The following CGREF1 variants were observed in gnomAD, a reference collection of about 807,000 sequenced individuals.
CGREF1 encodes cell growth regulator with EF-hand domain 1.
In CGREF1, 16 loss-of-function variants were observed where a neutral mutation model predicts 17.4. The ratio of observed to expected loss-of-function variants is 0.92; its 90% CI spans 0.62 to 1.40. The LOEUF (loss-of-function observed/expected upper bound fraction) is 1.40. CGREF1 is among the 40% of genes most tolerant of loss of function. CGREF1 has a pLI of 0.00. For synonymous variants in CGREF1, 142 were observed against 154.6 expected (o/e 0.92, Z 0.61); for missense variants, 296 against 376.4 (o/e 0.79, Z 1.77).
chr2:27,111,837 C>T (rs183200788), intron 1 of CGREF1, among the ~76,000 whole-genome samples: 19 of 152,162 alleles, frequency 1.2e-4, no homozygotes, highest in Non-Finnish European at 2.4e-4. Context: ...CCGGTTCGCG[C>T]TCGCGCCTCT....
intron 1 of CGREF1, among the ~76,000 whole-genome samples, chr2:27,111,759 C>G (rs1558464266): frequency 1.3e-5 from 2 of 151,886 alleles, no homozygotes; most frequent in Non-Finnish European, 2.9e-5. Context: ...CCGGCAGCTC[C>G]GAGTGCTGGG....
At chr2:27,115,324 T>G (rs1472712143) in intron 1 of CGREF1, among the ~76,000 whole-genome samples, 1 of 152,160 alleles carries the variant, frequency 6.6e-6, no homozygotes, top group Non-Finnish European at 1.5e-5. Flanking sequence ...TATATTTAAC[T>G]CTTCAGTATG....
At chr2:27,111,809 C>T (rs1671399751) in intron 1 of CGREF1, among the ~76,000 whole-genome samples, 1 of 151,968 alleles carries the variant, frequency 6.6e-6, no homozygotes, top group African/African-American at 2.4e-5. Flanking sequence ...CGCTGGCCGG[C>T]AAGCGCCGCG....
downstream of CGREF1, chr2:27,099,822 G>A: frequency 6.4e-7 from 1 of 1,572,254 alleles, no homozygotes; most frequent in South Asian, 1.2e-5. Context: ...CCTCCATCCA[G>A]CCTGGCGTCC....
chr2:27,117,852 A>T (rs2148402836), intron 1 of CGREF1, among the ~76,000 whole-genome samples: 1 of 152,044 alleles, frequency 6.6e-6, no homozygotes, highest in African/African-American at 2.4e-5. Flanking sequence ...AGTATCTGGG[A>T]CTACAGGCGC....
downstream of CGREF1, chr2:27,100,018 T>A: frequency 1.5e-6 from 1 of 684,110 alleles, no homozygotes; most frequent in South Asian, 1.8e-5. Context: ...TTCCTGAGGC[T>A]CTGACTCTTC....
intron 1 of CGREF1, among the ~76,000 whole-genome samples, chr2:27,107,362 C>T (rs183479459): frequency 5.3e-5 from 8 of 152,148 alleles, no homozygotes; most frequent in African/African-American, 1.9e-4. Context: ...TCCAGCAATT[C>T]CCCTGCCTCA....
At chr2:27,102,296 GGTC>G (rs1328659403) in intron 4 of CGREF1, 61 bp downstream of exon 4, 22 of 1,611,510 alleles carry the variant, frequency 1.4e-5, no homozygotes, top group Non-Finnish European at 1.6e-5. Flanking sequence ...GGGCAGCCGA[GGTC>G]AGTCCCAGAT....
At chr2:27,104,759 G>A in intron 1 of CGREF1, 2 of 1,488,074 alleles carry the variant, frequency 1.3e-6, no homozygotes, top group South Asian at 2.7e-5. Context: ...AGCGCAGAAA[G>A]TTTAAGAAAA....
chr2:27,101,623 T>C lies in CGREF1; in HGVS notation c.608A>G (p.Asp203Gly). Residue 203 changes from aspartate (D) to glycine (G), a missense_variant, in exon 6 of 6, where the codon GAT (aspartate) becomes GGT (glycine). By Grantham distance (94) the Asp-to-Gly change is moderately conservative. Coordinates refer to ENST00000402394, the MANE Select transcript of CGREF1 (RefSeq NM_006569.6). The stretch of plus-strand genomic sequence containing the variant: ...CTGGCCCCCAGGCTCCTGGACAGGA[T>C]CCAAAGACTCCCTTCTGGCCTCTAC... ...GQVEARRESL[D>G]PVQEPGGQAE... 5 of 1,614,118 alleles carry C rather than the reference T, an allele frequency of 3.1e-6. No individual in the cohort carries two copies. Among genetic ancestry groups the C allele is most frequent in the Non-Finnish European group, 3.4e-6 (4 of 1,180,028 alleles).
intron 1 of CGREF1, among the ~76,000 whole-genome samples, chr2:27,117,665 C>T (rs1285993961): frequency 6.6e-6 from 1 of 151,750 alleles, no homozygotes; most frequent in African/African-American, 2.4e-5. Context: ...ACTGTGGGAC[C>T]TAGGCAGGTG....
chr2:27,101,928 G>A lies in CGREF1; in HGVS notation c.343-40C>T, dbSNP rs114063713. ...TCACTGTGGGGTCTCCAGGGACAGAGATGTTCCCAGGAGTTCTGACCCTCC... is the reference window on the plus strand; with the variant it reads ...TCACTGTGGGGTCTCCAGGGACAGAAATGTTCCCAGGAGTTCTGACCCTCC... On this transcript the variant is annotated intron_variant, in intron 5 of 5. Coordinates refer to ENST00000402394, the MANE Select transcript of CGREF1 (RefSeq NM_006569.6). 2.6e-3 allele frequency: 4,197 copies of A among 1,599,208 alleles called. 15 individuals are homozygous for A. The highest frequency in any genetic ancestry group is 3.2e-3 in the Non-Finnish European group (3,802 of 1,173,186).
rs374069599 is a variant in CGREF1 at position 27,104,876 on chromosome 2, CAA to C, written c.-11-501_-11-500del. The C allele has an allele frequency of 2.1e-5, 27 of 1,297,826 alleles. No individual in the cohort carries two copies. The African/African-American group carries it at 3.3e-4, about 16-fold the overall frequency. 80.4% of individuals were successfully genotyped at this position (1,297,826 alleles called of 1,614,324 possible). A position where few individuals can be genotyped will look rare whatever the true frequency, so the allele number is the denominator to read the frequency against. ...ATTAAAAACCCACTGAAGAACAAAT[CAA>C]AAGAGGCGCAGACTTCTTGAAATAG... is the stretch of plus-strand genomic sequence containing the variant. On this transcript the variant is annotated intron_variant, in intron 1 of 5. Transcript: ENST00000402394.
At position 27,101,649 on chromosome 2, in the gene CGREF1, C is replaced by G; in HGVS notation, c.582G>C (p.Gln194His). The G allele has an allele frequency of 6.2e-7, 1 of 1,614,264 alleles. No homozygotes were observed. The highest frequency in any genetic ancestry group is 1.1e-5 in the South Asian group (1 of 91,092). Residue 194 changes from glutamine to histidine, a missense_variant, in exon 6 of 6, where the codon CAG becomes CAC. Coordinates refer to ENST00000402394, the MANE Select transcript of CGREF1 (RefSeq NM_006569.6). ...CCAAAGACTCCCTTCTGGCCTCTAC[C>G]TGGCCCTTTGCTTCTTCTCTGGGAC... ...APGPREEAKG[Q>H]VEARRESLDP... is the part of the protein sequence containing the mutation.
intron 1 of CGREF1, among the ~76,000 whole-genome samples, chr2:27,114,246 GC>G (rs1309940421): frequency 6.6e-6 from 1 of 152,082 alleles, no homozygotes; most frequent in Non-Finnish European, 1.5e-5. Context: ...GCCTGCCTCA[GC>G]CTCCCAAAGT....
chr2:27,102,654 C>A, intron 2 of CGREF1, 63 bp from the exon 3 acceptor site: 3 of 1,509,930 alleles, frequency 2.0e-6, no homozygotes, highest in Admixed American at 1.8e-5. Context: ...GCCTGCCAAC[C>A]TTCTGCCTCC....
intron 1 of CGREF1, among the ~76,000 whole-genome samples, chr2:27,114,403 A>AT (rs1343305889): frequency 6.6e-6 from 1 of 152,126 alleles, no homozygotes; most frequent in Non-Finnish European, 1.5e-5. Flanking sequence ...CCTCTCACTC[A>AT]TTAGGCCACT....
chr2:27,117,993 C>T (rs1295229472), intron 1 of CGREF1, among the ~76,000 whole-genome samples: 1 of 152,188 alleles, frequency 6.6e-6, no homozygotes, highest in Non-Finnish European at 1.5e-5. Context: ...GCTGGGATTA[C>T]AGGCGTGAGC....
In CGREF1 at chr2:27,111,748, G is replaced by A. The variant is rs545638260; in HGVS notation, c.-12+7098C>T. Among the ~76,000 whole-genome samples, 1,029 of 151,982 alleles carry A rather than the reference G, an allele frequency of 6.8e-3. 11 individuals carry two copies. Among genetic ancestry groups the A allele is most frequent in the African/African-American group, 0.024 (981 of 41,396 alleles). On this transcript the variant is annotated intron_variant, in intron 1 of 5. Coordinates refer to ENST00000402394, the MANE Select transcript of CGREF1 (RefSeq NM_006569.6). ...TCACTGCCCGGGGCCGGCGGGGCCG[G>A]CCGGCAGCTCCGAGTGCTGGGCCCC... is the stretch of plus-strand genomic sequence containing the variant.
Sources: allele counts gnomAD v4.1 joint callset (sites outside exome capture counted in the v4.1 genomes callset), GRCh38; gene constraint gnomAD v4.1.1; transcripts MANE v1.5; gene names NCBI Gene and HGNC (gene_info 2026-07-23, HGNC 2026-07-21).